The following PGS1 variants were observed in gnomAD, a reference collection of about 807,000 sequenced individuals.
PGS1 encodes the protein phosphatidylglycerophosphate synthase 1.
A neutral mutation model predicts 58.3 loss-of-function variants in PGS1; 44 were observed. The ratio of observed to expected loss-of-function variants is 0.75; its 90% CI spans 0.59 to 0.97. The LOEUF (loss-of-function observed/expected upper bound fraction) is 0.97. Ranked by LOEUF, PGS1 falls within the 50% of genes least tolerant of loss-of-function variation. The pLI, the probability that PGS1 is intolerant of heterozygous loss-of-function variation, is 0.00. For missense variants in PGS1, 684 were observed against 731.1 expected (o/e 0.94, Z 0.74); for synonymous variants, 330 against 311.0 (o/e 1.06, Z -0.64).
chr17:78,390,749 G>GTC lies in PGS1; in HGVS notation c.144-1726_144-1725insCT, dbSNP rs898945821. ...GTCCCTCCACCCCCATCTCCCGCAG[G>GTC]TTTTTAGTCATTGAGCAGCAGAAAT... On this transcript the variant is annotated intron_variant, in intron 1 of 9. Coordinates refer to ENST00000262764, the MANE Select transcript of PGS1 (RefSeq NM_024419.5). 2.0e-5 allele frequency among the ~76,000 whole-genome samples: 3 copies of GTC among 152,090 alleles called. No homozygotes were observed. In the East Asian group the frequency reaches 5.8e-4, roughly 29 times the overall value.
At position 78,419,606 on chromosome 17, in the gene PGS1, A is replaced by T; in HGVS notation, c.1612A>T (p.Ser538Cys). ...GTCCTCTGCCACCTTCGAGCAGCCG[A>T]GTCGCCAGGTGAAGCTGTGGGTGAA... ...VVSSATFEQP[S>C]RQVKLWVKMV... The change falls in exon 9 of 10, where the codon AGT becomes TGT. Residue 538 changes from serine (S) to cysteine (C), a missense_variant. By Grantham distance (112) the Ser-to-Cys change is moderately radical. Transcript: ENST00000262764. 6.2e-7 allele frequency: 1 copy of T among 1,614,168 alleles called. No individual in the cohort carries two copies. Among genetic ancestry groups the T allele is most frequent in the Middle Eastern group, 1.6e-4 (1 of 6,062 alleles).
chr17:78,406,742 G>A (rs527877247), intron 7 of PGS1, among the ~76,000 whole-genome samples: 110 of 152,004 alleles, frequency 7.2e-4, no homozygotes, highest in African/African-American at 2.5e-3. Flanking sequence ...GGCCAGTGGG[G>A]CAGCTTTGAC....
At chr17:78,412,707 C>A (rs957161241) in intron 7 of PGS1, among the ~76,000 whole-genome samples, 25 of 152,206 alleles carry the variant, frequency 1.6e-4, no homozygotes, top group African/African-American at 5.8e-4. Flanking sequence ...GCAGCCTGAC[C>A]CTCGTCACCC....
chr17:78,412,661 T>C (rs1362291399), intron 7 of PGS1, among the ~76,000 whole-genome samples: 1 of 152,204 alleles, frequency 6.6e-6, no homozygotes, highest in Non-Finnish European at 1.5e-5. Flanking sequence ...CTAGGAGCTG[T>C]GGGGTGGACA....
At chr17:78,394,523 C>T (rs2083079479) in intron 2 of PGS1, among the ~76,000 whole-genome samples, 1 of 152,052 alleles carries the variant, frequency 6.6e-6, no homozygotes, top group African/African-American at 2.4e-5. Flanking sequence ...TGATTTTCTC[C>T]TTGGCTTGAA....
In PGS1 at chr17:78,424,631, TCTCAAAATAAACAAAC is replaced by T. The variant is rs1568030002; in HGVS notation, c.*582_*597del. The T allele has an allele frequency of 6.4e-6, 1 of 155,688 alleles. No individual in the cohort carries two copies. Among genetic ancestry groups the T allele is most frequent in the Non-Finnish European group, 1.4e-5 (1 of 70,270 alleles). The allele number at this position is 155,688 out of a possible 1,614,324, so 9.6% of individuals were successfully genotyped here. A position where few individuals can be genotyped will look rare whatever the true frequency, so the allele number is the denominator to read the frequency against. ...TGGTGTTTTTATTTCCTGTCTGAAA[TCTCAAAATAAACAAAC>T]ATGGAGAGCTTATCTTTGGTTGTGT... On this transcript the variant is annotated 3_prime_UTR_variant, in exon 10 of 10. Transcript: ENST00000262764.
intron 8 of PGS1, 62 bp from the exon 9 acceptor site, chr17:78,419,484 C>T (rs1471319744): frequency 1.1e-5 from 16 of 1,454,500 alleles, no homozygotes; most frequent in East Asian, 2.3e-5. Context: ...TGGGGCCAGC[C>T]GGCCATGTGG....
At chr17:78,419,733 A>G in intron 9 of PGS1, 58 bp downstream of exon 9, 12 of 1,602,172 alleles carry the variant, frequency 7.5e-6, no homozygotes, top group Non-Finnish European at 1.0e-5. Context: ...CAGGTGGGGC[A>G]GGTGGTTGTT....
chr17:78,386,125 C>G (rs76129595), intron 1 of PGS1, among the ~76,000 whole-genome samples: 1 of 152,214 alleles, frequency 6.6e-6, no homozygotes, highest in East Asian at 1.9e-4. Flanking sequence ...GGTGACTGAA[C>G]CTTTCTCCTG....
Position 78,414,874 on chromosome 17 carries a change from C to T in PGS1, c.1403-5C>T, listed in dbSNP as rs367801178. 2.0e-5 allele frequency: 32 copies of T among 1,613,762 alleles called. No homozygotes were observed. Among genetic ancestry groups the T allele is most frequent in the African/African-American group, 4.0e-5 (3 of 74,916 alleles). ...TCCTGTCTGCACGTTTCCTTTTCCCCGCAGGCCTCTGGCTGTACCTGGCAG... is the reference window on the plus strand; with the variant it reads ...TCCTGTCTGCACGTTTCCTTTTCCCTGCAGGCCTCTGGCTGTACCTGGCAG... On this transcript the variant is annotated splice_polypyrimidine_tract_variant and splice_region_variant and intron_variant, in intron 7 of 9. Transcript: ENST00000262764.
In PGS1 at chr17:78,400,829, T is replaced by TGGATG; in HGVS notation, c.861_865dup (p.Val289GlyfsTer24). ...CAGGGGGACGACACGGTGCAGGTGG[T>TGGATG]GGATGGGATGGTGCATCCTTACAAA... On this transcript the variant is annotated frameshift_variant, in exon 6 of 10. Transcript: ENST00000262764. LOFTEE classifies it high-confidence loss of function. The surrounding 1 kb of genome is among the most constrained non-coding windows in gnomAD (Gnocchi z 4.4). 6.2e-7 allele frequency: 1 copy of TGGATG among 1,609,194 alleles called. No homozygotes were observed. Among genetic ancestry groups the TGGATG allele is most frequent in the Non-Finnish European group, 8.5e-7 (1 of 1,176,890 alleles).
intron 1 of PGS1, among the ~76,000 whole-genome samples, chr17:78,387,640 C>T (rs949188628): frequency 1.3e-5 from 2 of 149,072 alleles, no homozygotes; most frequent in Admixed American, 6.8e-5. Flanking sequence ...CGCTCTGTCG[C>T]CCAGGCTGGA....
In PGS1 at chr17:78,415,955, T is replaced by C. The variant is rs2085152008; in HGVS notation, c.1551+928T>C. ...GCCAGAGCCCAGAGGCATCGGACGG[T>C]AACTTTGTGAAGCTTTTATGCTCCA... On this transcript the variant is annotated intron_variant, in intron 8 of 9. Coordinates refer to ENST00000262764, the MANE Select transcript of PGS1 (RefSeq NM_024419.5). 2.0e-5 allele frequency among the ~76,000 whole-genome samples: 3 copies of C among 152,228 alleles called. No individual in the cohort carries two copies. The South Asian group carries it at 6.2e-4, about 31-fold the overall frequency.
chr17:78,409,297 C>T (rs1011733562), intron 7 of PGS1, among the ~76,000 whole-genome samples: 7 of 152,266 alleles, frequency 4.6e-5, no homozygotes, highest in South Asian at 4.1e-4. Flanking sequence ...TTCTTCTGGA[C>T]GCAGTATTCT....
Position 78,404,004 on chromosome 17 carries a change from C to T in PGS1, c.1317C>T (p.Phe439=). 1.2e-6 allele frequency: 2 copies of T among 1,613,776 alleles called. No individual in the cohort carries two copies. Among genetic ancestry groups the T allele is most frequent in the Non-Finnish European group, 8.5e-7 (1 of 1,179,890 alleles). The change falls in exon 7 of 10, where the codon TTC becomes TTT. Residue 439 remains phenylalanine (F), a synonymous_variant. Coordinates refer to ENST00000262764, the MANE Select transcript of PGS1 (RefSeq NM_024419.5). ...PAAYVHIERQ[F]FSEVCSLGQQ... ...CCTATGTGCACATCGAGCGACAGTT[C>T]TTCAGTGAGGTGTGCAGCCTGGGAC...
At chr17:78,383,220 C>T (rs1260691303) in intron 1 of PGS1, among the ~76,000 whole-genome samples, 1 of 151,548 alleles carries the variant, frequency 6.6e-6, no homozygotes, top group Admixed American at 6.6e-5. Flanking sequence ...AACAGGTGTC[C>T]AGCAGATTGT....
Position 78,396,328 on chromosome 17 carries a change from G to T in PGS1, c.354G>T (p.Lys118Asn). ...ELMKGQIRVA[K>N]RRVVMASLYL... The stretch of plus-strand genomic sequence containing the variant: ...CTCAGGGGCAGATAAGAGTAGCCAA[G>T]AGGCGGGTCGTGATGGCATCCCTCT... Residue 118 changes from lysine to asparagine, a missense_variant, in exon 3 of 10, where the codon AAG (lysine) becomes AAT (asparagine). Coordinates refer to ENST00000262764, the MANE Select transcript of PGS1 (RefSeq NM_024419.5). 6.2e-7 allele frequency: 1 copy of T among 1,613,872 alleles called. No homozygotes were observed. The highest frequency in any genetic ancestry group is 8.5e-7 in the Non-Finnish European group (1 of 1,179,760).
At chr17:78,422,592 GGCTCAAGCGACCCTCCT>G (rs2085955050) in intron 9 of PGS1, among the ~76,000 whole-genome samples, 4 of 128,502 alleles carry the variant, frequency 3.1e-5, no homozygotes, top group Non-Finnish European at 3.6e-5. Flanking sequence ...TGACCTCATG[GGCTCAAGCGACCCTCCT>G]GCCTCAGCCT....
chr17:78,420,543 G>A (rs2085631169), intron 9 of PGS1: 1 of 152,284 alleles, frequency 6.6e-6, no homozygotes, highest in African/African-American at 2.4e-5. Context: ...GGCTTGTGGG[G>A]AAGGGACGGT....
Sources: allele counts gnomAD v4.1 joint callset (sites outside exome capture counted in the v4.1 genomes callset), GRCh38; gene constraint gnomAD v4.1.1; non-coding constraint Gnocchi (gnomAD v3.1); transcripts MANE v1.5; gene names NCBI Gene and HGNC (gene_info 2026-07-23, HGNC 2026-07-21).